SMAD4: variants seen among roughly 807,000 people sequenced by gnomAD.
The protein encoded by SMAD4 is SMAD family member 4.
In SMAD4, 7 loss-of-function variants were observed where a neutral mutation model predicts 63.2. That is an observed-to-expected ratio of 0.11 (90% CI 0.06 to 0.21). The LOEUF (loss-of-function observed/expected upper bound fraction) is 0.21, where lower values mean the gene tolerates loss of function less well. SMAD4 is among the 10% of genes least tolerant of loss of function. The pLI is 1.00. For missense variants in SMAD4, 312 were observed against 693.8 expected (o/e 0.45, Z 6.18); for synonymous variants, 215 against 235.4 (o/e 0.91, Z 0.79).
intron 1 of SMAD4, among the ~76,000 whole-genome samples, chr18:51,037,156 CCTAG>C (rs969029983): frequency 6.6e-6 from 1 of 152,096 alleles, no homozygotes; most frequent in African/African-American, 2.4e-5. Context: ...TGCACTCCAG[CCTAG>C]CTGACAGAGC....
At chr18:51,037,976 A>T (rs1203236324) in intron 1 of SMAD4, among the ~76,000 whole-genome samples, 2 of 152,112 alleles carry the variant, frequency 1.3e-5, no homozygotes, top group Non-Finnish European at 2.9e-5. Flanking sequence ...GGGTGGTGAT[A>T]TTAAGGAATG....
At chr18:51,035,031 C>T (rs1200287482) in intron 1 of SMAD4, among the ~76,000 whole-genome samples, 1 of 152,190 alleles carries the variant, frequency 6.6e-6, no homozygotes, top group Non-Finnish European at 1.5e-5. Flanking sequence ...CTTGTGTTAG[C>T]TTTACATTCT....
At chr18:51,068,784 G>C (rs1307717614) in intron 10 of SMAD4, among the ~76,000 whole-genome samples, 2 of 151,976 alleles carry the variant, frequency 1.3e-5, no homozygotes, top group African/African-American at 4.8e-5. Context: ...AGCTGGGTGT[G>C]GTGGTGCATG....
chr18:51,039,013 A>G (rs1909292817), intron 1 of SMAD4, among the ~76,000 whole-genome samples: 2 of 152,128 alleles, frequency 1.3e-5, no homozygotes. Context: ...AGGCTGAGGC[A>G]CGAGAATCAC....
chr18:51,037,483 AT>A (rs1348370700), intron 1 of SMAD4, among the ~76,000 whole-genome samples: 2 of 152,222 alleles, frequency 1.3e-5, no homozygotes, highest in Non-Finnish European at 2.9e-5. Context: ...ATGAGTCCTC[AT>A]TGTGTTCTTT....
intron 2 of SMAD4, among the ~76,000 whole-genome samples, chr18:51,048,306 T>C (rs749178460): frequency 5.3e-5 from 8 of 152,184 alleles, no homozygotes; most frequent in Non-Finnish European, 1.2e-4. Flanking sequence ...TACAGGCACA[T>C]ACCACCATGC....
rs1910714194 is a variant in SMAD4 at position 51,084,993 on chromosome 18, A to G, written c.*6526A>G. ...CTAAAAAATAGTCGAACCTTTCTTGAGAACTCTGTAACAAAGTATGTTTTT... is the reference window on the plus strand; with the variant it reads ...CTAAAAAATAGTCGAACCTTTCTTGGGAACTCTGTAACAAAGTATGTTTTT... On this transcript the variant is annotated 3_prime_UTR_variant, in exon 12 of 12. Transcript: ENST00000342988. 4.8e-6 allele frequency: 1 copy of G among 206,572 alleles called. No homozygotes were observed. Among genetic ancestry groups the G allele is most frequent in the Admixed American group, 5.9e-5 (1 of 16,848 alleles). 12.8% of individuals were successfully genotyped at this position (206,572 alleles called of 1,614,324 possible).
At chr18:51,068,529 G>A (rs1793622772) in intron 10 of SMAD4, among the ~76,000 whole-genome samples, 2 of 152,074 alleles carry the variant, frequency 1.3e-5, no homozygotes, top group Non-Finnish European at 2.9e-5. Context: ...TTCAACAATA[G>A]AGCATCAGTT....
chr18:51,062,848 C>CTTATTT (rs1366376175), intron 8 of SMAD4, among the ~76,000 whole-genome samples: 4 of 83,594 alleles, frequency 4.8e-5, no homozygotes, highest in African/African-American at 1.8e-4. Flanking sequence ...TCTGGCTTTA[C>CTTATTT]TTGTTTTTTT....
chr18:51,040,967 G>T (rs767590774), intron 1 of SMAD4, among the ~76,000 whole-genome samples: 4 of 152,054 alleles, frequency 2.6e-5, no homozygotes, highest in African/African-American at 9.7e-5. Flanking sequence ...GAAATGGGTC[G>T]TCTTTTATTT....
rs1266363371 is a variant in SMAD4, at chr18:51,058,474, T to C, written c.904+18T>C. The C allele has an allele frequency of 6.4e-7, 1 of 1,550,660 alleles. No homozygotes were observed. Among genetic ancestry groups the C allele is most frequent in the South Asian group, 1.1e-5 (1 of 87,274 alleles). On this transcript the variant is annotated intron_variant, in intron 7 of 11. Coordinates refer to ENST00000342988, the MANE Select transcript of SMAD4 (RefSeq NM_005359.6). ...ACATTACTGTAAGCTCTTGTTTTTGTTGTAAGGGCTATTTTTTTTTTTTTT... is the reference window on the plus strand; with the variant it reads ...ACATTACTGTAAGCTCTTGTTTTTGCTGTAAGGGCTATTTTTTTTTTTTTT...
chr18:51,060,366 G>A lies in SMAD4; in HGVS notation c.955+450G>A, dbSNP rs1240141105. 7.2e-5 allele frequency among the ~76,000 whole-genome samples: 11 copies of A among 152,092 alleles called. No individual in the cohort carries two copies. The East Asian group carries it at 2.1e-3, about 29-fold the overall frequency. ...TAAATTGTATGCAAAAGAGTAAATC[G>A]CTAAGTAGCTTTCTTCAGTTCAAAG... On this transcript the variant is annotated intron_variant, in intron 8 of 11. Transcript: ENST00000342988.
chr18:51,060,853 C>T (rs564959284), intron 8 of SMAD4, among the ~76,000 whole-genome samples: 29 of 152,018 alleles, frequency 1.9e-4, no homozygotes, highest in Admixed American at 6.5e-4. Flanking sequence ...AGGCTGGTCT[C>T]GAACTCCTGG....
chr18:51,037,359 A>T (rs1294057510), intron 1 of SMAD4, among the ~76,000 whole-genome samples: 1 of 152,200 alleles, frequency 6.6e-6, no homozygotes, highest in African/African-American at 2.4e-5. Context: ...TTCATAATGA[A>T]ACTGAGACGT....
chr18:51,047,305 A>C lies in SMAD4; in HGVS notation c.249+10A>C, dbSNP rs752243771. 3 of 1,610,444 alleles carry C rather than the reference A, an allele frequency of 1.9e-6. No individual in the cohort carries two copies. In the South Asian group the frequency reaches 3.3e-5, roughly 18 times the overall value. On this transcript the variant is annotated intron_variant, in intron 2 of 11. Transcript: ENST00000342988. ...GGATGGGAGGCTTCAGGTTAGTCTT[A>C]TAAGAGTTTTTCTATACCCTCTATG...
chr18:51,054,273 A>C (rs1909782383), intron 4 of SMAD4: 1 of 167,724 alleles, frequency 6.0e-6, no homozygotes, highest in African/African-American at 2.4e-5. Context: ...TTTTTAAAGA[A>C]TATGTTGCTT....
chr18:51,068,152 A>G (rs1173688572), intron 10 of SMAD4, among the ~76,000 whole-genome samples: 1 of 152,224 alleles, frequency 6.6e-6, no homozygotes, highest in East Asian at 1.9e-4. Flanking sequence ...TTGCCTGATT[A>G]CCTCACAACA....
intron 1 of SMAD4, among the ~76,000 whole-genome samples, chr18:51,035,256 A>G (rs1299466031): frequency 6.6e-6 from 1 of 152,184 alleles, no homozygotes; most frequent in Non-Finnish European, 1.5e-5. Flanking sequence ...TGTATTTCCC[A>G]TGATGAGAAG....
intron 8 of SMAD4, among the ~76,000 whole-genome samples, chr18:51,064,628 T>G (rs576810502): frequency 6.6e-6 from 1 of 152,254 alleles, no homozygotes; most frequent in Non-Finnish European, 1.5e-5. Flanking sequence ...CTTGATCAGT[T>G]GTCTTTGTAA....
Sources: allele counts gnomAD v4.1 joint callset (sites outside exome capture counted in the v4.1 genomes callset), GRCh38; gene constraint gnomAD v4.1.1; transcripts MANE v1.5; gene names NCBI Gene and HGNC (gene_info 2026-07-23, HGNC 2026-07-21).